The following WDR49 variants were observed in gnomAD, a reference collection of about 807,000 sequenced individuals.
WDR49 encodes cilia- and flagella-associated protein 337.
A neutral mutation model predicts 119.5 loss-of-function variants in WDR49; 107 were observed. That is an observed-to-expected ratio of 0.90 (90% CI 0.77 to 1.05). The LOEUF is 1.05. Ranked by LOEUF, WDR49 falls within the 50% of genes least tolerant of loss-of-function variation. The pLI, the probability that WDR49 is intolerant of heterozygous loss-of-function variation, is 0.00. For missense variants in WDR49, 1,240 were observed against 1,220.5 expected (o/e 1.02, Z -0.24); for synonymous variants, 425 against 418.8 (o/e 1.01, Z -0.18).
intron 5 of WDR49, among the ~76,000 whole-genome samples, chr3:167,605,407 G>C (rs113332950): frequency 0.017 from 2,587 of 151,958 alleles, 73 homozygotes; most frequent in African/African-American, 0.056. Context: ...TACAGATATC[G>C]TCTCTCAAAA....
intron 17 of WDR49, among the ~76,000 whole-genome samples, chr3:167,501,383 A>G (rs1751558667): frequency 1.3e-5 from 2 of 152,198 alleles, no homozygotes; most frequent in South Asian, 4.1e-4. Context: ...GTTATGCTCC[A>G]AGGTATAACA....
rs749946139 is a variant in WDR49 at position 167,522,239 on chromosome 3, A to G, written c.2774+76T>C. On this transcript the variant is annotated intron_variant, in intron 16 of 18. Transcript: ENST00000682715. ...CATTGAACATTCCACAGAGGACACA[A>G]GGAAATTTGGACCAATCTTATCTAT... 697 of 1,412,100 alleles carry G rather than the reference A, an allele frequency of 4.9e-4. 1 individual carries two copies. Among genetic ancestry groups the G allele is most frequent in the Non-Finnish European group, 6.2e-4 (661 of 1,062,982 alleles). The allele number at this position is 1,412,100 out of a possible 1,614,324, so 87.5% of individuals were successfully genotyped here.
chr3:167,516,519 T>C (rs1047601118), intron 16 of WDR49, among the ~76,000 whole-genome samples: 8 of 152,096 alleles, frequency 5.3e-5, no homozygotes, highest in Non-Finnish European at 1.2e-4. Flanking sequence ...TTTGGGTTGG[T>C]TCCAAGTCGT....
At chr3:167,615,898 C>T (rs1346036704) in intron 5 of WDR49, among the ~76,000 whole-genome samples, 1 of 152,182 alleles carries the variant, frequency 6.6e-6, no homozygotes, top group Non-Finnish European at 1.5e-5. Flanking sequence ...TCACAGAGCT[C>T]ATAGTGCACA....
intron 7 of WDR49, among the ~76,000 whole-genome samples, chr3:167,597,905 G>A (rs1285137393): frequency 1.3e-5 from 2 of 152,180 alleles, no homozygotes; most frequent in East Asian, 3.8e-4. Context: ...AGGCAGAAGG[G>A]ACTTGCCTTG....
chr3:167,632,612 G>A (rs1051197198), intron 2 of WDR49, among the ~76,000 whole-genome samples: 8 of 151,882 alleles, frequency 5.3e-5, no homozygotes, highest in East Asian at 1.9e-4. Context: ...TGATTAATAC[G>A]TTATTAATTC....
At chr3:167,566,991 A>G in intron 8 of WDR49, 1 of 534,698 alleles carries the variant, frequency 1.9e-6, no homozygotes. Flanking sequence ...AGGTCAGGAG[A>G]GGTGGGCACA....
chr3:167,542,638 G>T (rs1266594297), intron 10 of WDR49, among the ~76,000 whole-genome samples: 1 of 151,962 alleles, frequency 6.6e-6, no homozygotes, highest in Admixed American at 6.6e-5. Flanking sequence ...CAGCAAAACT[G>T]GTGCTAGGGT....
At chr3:167,526,783 CTT>C (rs1448145955) in intron 15 of WDR49, among the ~76,000 whole-genome samples, 3 of 152,130 alleles carry the variant, frequency 2.0e-5, no homozygotes, top group Non-Finnish European at 4.4e-5. Context: ...ATCAAACTGA[CTT>C]TACAAATACA....
At chr3:167,562,363 AAGAC>A (rs1202585524) in intron 8 of WDR49, among the ~76,000 whole-genome samples, 1 of 152,146 alleles carries the variant, frequency 6.6e-6, no homozygotes, top group Non-Finnish European at 1.5e-5. Context: ...GAGCAACTGA[AAGAC>A]AGGGCCATGA....
rs1476902306 is a variant in WDR49 at position 167,621,528 on chromosome 3, T to C, written c.722A>G (p.Tyr241Cys). The change falls in exon 4 of 19, where the codon TAT becomes TGT. Residue 241 changes from tyrosine to cysteine, a missense_variant. Tyr to Cys is a radical substitution (Grantham distance 194). Coordinates refer to ENST00000682715, the MANE Select transcript of WDR49 (RefSeq NM_001366157.1). ...GLKGTPICMD[Y>C]WYDPLDANES... The stretch of plus-strand genomic sequence containing the variant: ...ATTGGCATCAAGAGGATCATACCAA[T>C]AATCCATGCAAATTGGTGTTCCTTT... 1 of 1,535,568 alleles carries C rather than the reference T, an allele frequency of 6.5e-7. No homozygotes were observed. Among genetic ancestry groups the C allele is most frequent in the Admixed American group, 2.0e-5 (1 of 50,956 alleles).
intron 16 of WDR49, among the ~76,000 whole-genome samples, chr3:167,512,377 A>G (rs1275922826): frequency 6.6e-6 from 1 of 152,192 alleles, no homozygotes; most frequent in African/African-American, 2.4e-5. Flanking sequence ...TCTACAGAAG[A>G]GGGGCCTTAC....
rs771705875 is a variant in WDR49 at position 167,536,962 on chromosome 3, A to G, written c.1862T>C (p.Phe621Ser). The change falls in exon 11 of 19, where the codon TTT becomes TCT. Residue 621 changes from phenylalanine to serine, a missense_variant. Coordinates refer to ENST00000682715, the MANE Select transcript of WDR49 (RefSeq NM_001366157.1). ...TVFRPQNFNQ[F>S]FIQPEEWKGG... ...TTTCCATTCTTCAGGCTGGATGAAA[A>G]ATTGATTGAAGTTTTGGGGTCGAAA... The G allele has an allele frequency of 1.3e-6, 2 of 1,591,268 alleles. No homozygotes were observed. Among genetic ancestry groups the G allele is most frequent in the Non-Finnish European group, 1.7e-6 (2 of 1,169,228 alleles).
intron 16 of WDR49, among the ~76,000 whole-genome samples, chr3:167,505,646 T>C (rs1288404674): frequency 1.3e-5 from 2 of 152,204 alleles, no homozygotes; most frequent in Admixed American, 1.3e-4. Context: ...TCCAAGAGTC[T>C]AATTAAGCAA....
chr3:167,634,188 A>G (rs993879910), intron 2 of WDR49, among the ~76,000 whole-genome samples: 4 of 151,906 alleles, frequency 2.6e-5, no homozygotes, highest in African/African-American at 7.2e-5. Flanking sequence ...TATTATCTAT[A>G]TGGTCTTTTT....
chr3:167,526,775 C>T (rs1752648341), intron 15 of WDR49, among the ~76,000 whole-genome samples: 1 of 152,110 alleles, frequency 6.6e-6, no homozygotes, highest in African/African-American at 2.4e-5. Context: ...TTGGCCTCAT[C>T]AAACTGACTT....
At chr3:167,516,527 C>A (rs137998656) in intron 16 of WDR49, among the ~76,000 whole-genome samples, 1 of 151,978 alleles carries the variant, frequency 6.6e-6, no homozygotes, top group Non-Finnish European at 1.5e-5. Flanking sequence ...GGTTCCAAGT[C>A]GTCGTTATTG....
At chr3:167,488,304 A>G (rs1490617020) in intron 18 of WDR49, among the ~76,000 whole-genome samples, 1 of 152,086 alleles carries the variant, frequency 6.6e-6, no homozygotes, top group South Asian at 2.1e-4. Context: ...AGAAAGCCAA[A>G]TACCACATGT....
chr3:167,585,009 A>G (rs938725936), intron 7 of WDR49, among the ~76,000 whole-genome samples: 5 of 151,966 alleles, frequency 3.3e-5, no homozygotes, highest in African/African-American at 1.2e-4. Flanking sequence ...GCCTCTTTAG[A>G]GCACACATTT....
Sources: gnomAD v4.1 joint callset for allele counts (sites outside exome capture counted in the v4.1 genomes callset) on GRCh38, gnomAD v4.1.1 for gene constraint, MANE v1.5 for transcripts, NCBI Gene and HGNC (gene_info 2026-07-23, HGNC 2026-07-21) for gene names.